Variants in UGT2B7 observed in about 807,000 individuals in gnomAD.
UGT2B7 encodes the protein UDP glucuronosyltransferase family 2 member B7, also known as UDP-glucuronosyltransferase 2B7.
UGT2B7 carries 51 observed loss-of-function variants against 51.9 expected under a neutral mutation model. That is an observed-to-expected ratio of 0.98 (90% CI 0.78 to 1.24). The LOEUF (loss-of-function observed/expected upper bound fraction) is 1.24, where lower values mean the gene tolerates loss of function less well. Ranked by LOEUF, UGT2B7 falls within the 50% of genes most tolerant of loss-of-function variation. The pLI is 0.00. For synonymous variants in UGT2B7, 225 were observed against 211.6 expected, an observed-to-expected ratio of 1.06 and a Z score of -0.55; for missense variants, 727 against 628.4, an observed-to-expected ratio of 1.16 and a Z score of -1.68.
intron 1 of UGT2B7, among the ~76,000 whole-genome samples, chr4:69,072,663 A>G (rs1398740404): frequency 6.6e-6 from 1 of 152,190 alleles, no homozygotes. Context: ...ACTGAATAAC[A>G]GTAAAGAGCA....
At chr4:69,064,132 G>C (rs940691054) in intron 1 of UGT2B7, among the ~76,000 whole-genome samples, 6 of 148,968 alleles carry the variant, frequency 4.0e-5, no homozygotes, top group Non-Finnish European at 7.4e-5. Context: ...AAGAAAGAAA[G>C]AAAGAAAAAC....
chr4:69,057,937 G>T (rs901794698), intron 1 of UGT2B7, among the ~76,000 whole-genome samples: 1 of 152,196 alleles, frequency 6.6e-6, no homozygotes. Flanking sequence ...TTAAGGTGGT[G>T]ACCGGAGTCA....
chr4:69,054,664 T>C (rs372481521), intron 1 of UGT2B7, among the ~76,000 whole-genome samples: 22 of 146,990 alleles, frequency 1.5e-4, no homozygotes, highest in South Asian at 1.1e-3. Context: ...AGACTAGGAG[T>C]TGTATGTAGA....
In UGT2B7 at chr4:69,105,527, T is replaced by C. The variant is rs531657857; in HGVS notation, c.1003-1648T>C. ...GGCTATAGCAGAACATGTTAATCAC[T>C]ATTGTCAAAGCTTTGTAGCACGTTG... On this transcript the variant is annotated intron_variant, in intron 3 of 5. Transcript: ENST00000305231. Among the ~76,000 whole-genome samples the C allele has an allele frequency of 7.2e-5, 11 of 152,338 alleles. No individual in the cohort carries two copies. In the East Asian group the frequency reaches 1.7e-3, roughly 24 times the overall value.
rs1236639334 is a variant in UGT2B7, at chr4:69,097,036, C to G, written c.516C>G (p.Leu172=). ...TTAACATACCCTTTGTGTACAGTCT[C>G]AGCTTCTCTCCTGGCTACACTTTTG... ...ELFNIPFVYS[L]SFSPGYTFEK... Residue 172 remains leucine, a synonymous_variant, in exon 1 of 6, where the codon CTC becomes CTG. Transcript: ENST00000305231. 14 of 1,613,752 alleles carry G rather than the reference C, an allele frequency of 8.7e-6. No homozygotes were observed. The highest frequency in any genetic ancestry group is 1.2e-5 in the Non-Finnish European group (14 of 1,179,820).
chr4:69,051,720 G>A (rs575889418), intron 1 of UGT2B7: 2 of 152,342 alleles, frequency 1.3e-5, no homozygotes, highest in Non-Finnish European at 2.9e-5. Context: ...GACTTGGTAG[G>A]ACTAGTCTTT....
intron 3 of UGT2B7, 110 bp from the exon 4 acceptor site, chr4:69,107,065 T>A (rs1377130066): frequency 4.1e-6 from 5 of 1,221,502 alleles, no homozygotes; most frequent in African/African-American, 3.1e-5. Context: ...CTTTGAGTAG[T>A]TCTTATTTAC....
intron 1 of UGT2B7, among the ~76,000 whole-genome samples, chr4:69,087,828 AT>A (rs1387764257): frequency 6.6e-6 from 1 of 151,888 alleles, no homozygotes; most frequent in Non-Finnish European, 1.5e-5. Context: ...GAATTGGGAC[AT>A]TGTTTAATAT....
At chr4:69,054,874 T>C (rs1454158446) in intron 1 of UGT2B7, among the ~76,000 whole-genome samples, 1 of 152,016 alleles carries the variant, frequency 6.6e-6, no homozygotes, top group Admixed American at 6.6e-5. Flanking sequence ...GTTCCCAGTA[T>C]ATACATCAAG....
At chr4:69,062,596 C>T (rs1032874848) in intron 1 of UGT2B7, among the ~76,000 whole-genome samples, 12 of 152,094 alleles carry the variant, frequency 7.9e-5, no homozygotes, top group Admixed American at 7.2e-4. Flanking sequence ...AATTATCAGC[C>T]CAGGACCAGT....
intron 1 of UGT2B7, among the ~76,000 whole-genome samples, chr4:69,076,403 T>C (rs1268601538): frequency 1.3e-5 from 2 of 152,228 alleles, no homozygotes; most frequent in Non-Finnish European, 2.9e-5. Context: ...TCACCAACAG[T>C]GTAAAAGCAT....
At chr4:69,057,194 T>A (rs1718224275) in intron 1 of UGT2B7, among the ~76,000 whole-genome samples, 1 of 152,176 alleles carries the variant, frequency 6.6e-6, no homozygotes, top group Non-Finnish European at 1.5e-5. Flanking sequence ...TCTTCAGTGT[T>A]GTGAGCCCTT....
intron 1 of UGT2B7, among the ~76,000 whole-genome samples, chr4:69,083,506 T>A (rs922350021): frequency 4.6e-5 from 7 of 152,128 alleles, no homozygotes; most frequent in Non-Finnish European, 8.8e-5. Context: ...TCCTCATGGA[T>A]GACTTTGAGG....
upstream of UGT2B7, among the ~76,000 whole-genome samples, chr4:69,095,258 T>C (rs1719191622): frequency 6.6e-6 from 1 of 152,106 alleles, no homozygotes; most frequent in Non-Finnish European, 1.5e-5. Flanking sequence ...GGTTGGAGGT[T>C]TTAAGGAGAT....
intron 1 of UGT2B7, among the ~76,000 whole-genome samples, chr4:69,053,814 T>C (rs1049216836): frequency 3.3e-5 from 5 of 152,208 alleles, no homozygotes; most frequent in African/African-American, 1.2e-4. Flanking sequence ...GGTATTGTGG[T>C]GGACCTTTAC....
At chr4:69,087,948 T>A (rs1283426376) in intron 1 of UGT2B7, among the ~76,000 whole-genome samples, 2 of 152,014 alleles carry the variant, frequency 1.3e-5, no homozygotes, top group Non-Finnish European at 2.9e-5. Flanking sequence ...TAAATTTGAT[T>A]AGGGTACATG....
intron 1 of UGT2B7, among the ~76,000 whole-genome samples, chr4:69,063,057 C>T (rs1235372436): frequency 2.0e-5 from 3 of 151,526 alleles, no homozygotes; most frequent in Non-Finnish European, 2.9e-5. Flanking sequence ...TAATTGCTCA[C>T]GCCTGTAATC....
At chr4:69,106,368 T>A (rs12513195) in intron 3 of UGT2B7, among the ~76,000 whole-genome samples, 6 of 151,874 alleles carry the variant, frequency 4.0e-5, no homozygotes, top group African/African-American at 7.3e-5. Flanking sequence ...TTTCCATCCC[T>A]TTGTTAGTTT....
chr4:69,091,354 G>A (rs574576780), intron 2 of UGT2B7, among the ~76,000 whole-genome samples: 39 of 149,978 alleles, frequency 2.6e-4, no homozygotes, highest in South Asian at 6.2e-4. Flanking sequence ...AAGAAAGTGT[G>A]TGTATGTTTG....
Sources: allele counts gnomAD v4.1 joint callset (sites outside exome capture counted in the v4.1 genomes callset), GRCh38; gene constraint gnomAD v4.1.1; transcripts MANE v1.5; gene names NCBI Gene and HGNC (gene_info 2026-07-23, HGNC 2026-07-21).